The following GNG12 variants were observed in gnomAD, a reference collection of about 807,000 sequenced individuals.
The protein encoded by GNG12 is guanine nucleotide-binding protein G(I)/G(S)/G(O) subunit gamma-12.
For synonymous variants in GNG12, 28 were observed against 29.7 expected (o/e 0.94, Z 0.19); for missense variants, 69 against 83.8 (o/e 0.82, Z 0.69).
chr1:67,712,519 G>A (rs1646301313), intron 2 of GNG12, among the ~76,000 whole-genome samples: 1 of 152,132 alleles, frequency 6.6e-6, no homozygotes, highest in Non-Finnish European at 1.5e-5. Flanking sequence ...GTAAAAACTA[G>A]TCTCTACAAA....
chr1:67,797,822 C>T (rs1256636149), intron 1 of GNG12, among the ~76,000 whole-genome samples: 3 of 152,152 alleles, frequency 2.0e-5, no homozygotes, highest in Non-Finnish European at 2.9e-5. Context: ...ACCATCCCCT[C>T]GGAGCCAAGA....
intron 2 of GNG12, among the ~76,000 whole-genome samples, chr1:67,730,505 C>A (rs565022345): frequency 3.2e-4 from 48 of 151,900 alleles, no homozygotes; most frequent in Non-Finnish European, 5.3e-4. Flanking sequence ...ACGCCACCCC[C>A]CAACCGCCCC....
chr1:67,797,846 A>G (rs1297115390), intron 1 of GNG12, among the ~76,000 whole-genome samples: 1 of 152,104 alleles, frequency 6.6e-6, no homozygotes, highest in East Asian at 1.9e-4. Context: ...TCCTCAGGTG[A>G]CTGCACCGGC....
chr1:67,739,608 A>C (rs1363738546), intron 2 of GNG12, among the ~76,000 whole-genome samples: 2 of 152,208 alleles, frequency 1.3e-5, no homozygotes, highest in East Asian at 3.8e-4. Context: ...TACATCTTCA[A>C]AGGAAGAGCC....
At chr1:67,755,960 T>C (rs1457206652) in intron 2 of GNG12, among the ~76,000 whole-genome samples, 2 of 152,002 alleles carry the variant, frequency 1.3e-5, no homozygotes, top group Admixed American at 6.5e-5. Context: ...CTAGGCTTTG[T>C]ACAGTGAAGC....
chr1:67,744,669 C>T (rs965563831), intron 2 of GNG12, among the ~76,000 whole-genome samples: 25 of 152,126 alleles, frequency 1.6e-4, no homozygotes, highest in African/African-American at 6.0e-4. Flanking sequence ...TTGTGAAAGG[C>T]CATGCAGATG....
intron 2 of GNG12, among the ~76,000 whole-genome samples, chr1:67,764,412 A>G (rs1361019375): frequency 1.3e-5 from 2 of 152,160 alleles, no homozygotes; most frequent in Non-Finnish European, 2.9e-5. Context: ...CCAAGTACCC[A>G]CTTCCAAAGC....
At chr1:67,706,093 G>C (rs1017299247) in intron 3 of GNG12, among the ~76,000 whole-genome samples, 1 of 152,206 alleles carries the variant, frequency 6.6e-6, no homozygotes, top group Non-Finnish European at 1.5e-5. Flanking sequence ...GAGAGAGACA[G>C]TGCAAGCAAG....
chr1:67,725,506 T>C (rs1408793839), intron 2 of GNG12, among the ~76,000 whole-genome samples: 1 of 152,218 alleles, frequency 6.6e-6, no homozygotes. Flanking sequence ...TCACAGTATC[T>C]AAATGTTTAT....
intron 2 of GNG12, among the ~76,000 whole-genome samples, chr1:67,724,450 C>T (rs920207835): frequency 1.3e-5 from 2 of 152,170 alleles, no homozygotes; most frequent in African/African-American, 2.4e-5. Context: ...AGTGCAGTGG[C>T]GTGATCTTGG....
chr1:67,738,362 TATTG>T (rs1251981214), intron 2 of GNG12, among the ~76,000 whole-genome samples: 1 of 152,232 alleles, frequency 6.6e-6, no homozygotes. Flanking sequence ...CAGATTAATT[TATTG>T]ATTAGATATA....
At chr1:67,799,506 C>T (rs1402303915) in intron 1 of GNG12, among the ~76,000 whole-genome samples, 1 of 152,086 alleles carries the variant, frequency 6.6e-6, no homozygotes, top group African/African-American at 2.4e-5. Context: ...GAACCCAGAC[C>T]ACAGTGACGT....
intron 2 of GNG12, among the ~76,000 whole-genome samples, chr1:67,767,777 G>A (rs149606973): frequency 2.0e-5 from 3 of 152,310 alleles, no homozygotes; most frequent in Non-Finnish European, 4.4e-5. Context: ...AGAAAGTTAA[G>A]TTTAGTTGAT....
intron 2 of GNG12, among the ~76,000 whole-genome samples, chr1:67,774,069 G>GA (rs1321076652): frequency 6.6e-6 from 1 of 152,108 alleles, no homozygotes; most frequent in Admixed American, 6.5e-5. Flanking sequence ...CACTCTGTGT[G>GA]GCATTATCTT....
At chr1:67,782,035 G>A (rs1282258755) in intron 1 of GNG12, among the ~76,000 whole-genome samples, 1 of 152,110 alleles carries the variant, frequency 6.6e-6, no homozygotes, top group Non-Finnish European at 1.5e-5. Context: ...CAGCCACAGA[G>A]GCAGCTACTC....
chr1:67,790,826 G>A (rs1159882559), intron 1 of GNG12, among the ~76,000 whole-genome samples: 2 of 152,070 alleles, frequency 1.3e-5, no homozygotes, highest in African/African-American at 4.8e-5. Context: ...ATGTTTGTCA[G>A]GCTGATCTCC....
chr1:67,789,400 T>C (rs1646788345), intron 1 of GNG12, among the ~76,000 whole-genome samples: 1 of 152,202 alleles, frequency 6.6e-6, no homozygotes. Flanking sequence ...GGAACTATAT[T>C]AAAAACACTT....
intron 1 of GNG12, among the ~76,000 whole-genome samples, chr1:67,784,072 TCC>T (rs1205782846): frequency 6.6e-4 from 99 of 151,084 alleles, no homozygotes; most frequent in African/African-American, 2.2e-3. Context: ...AACCCAAATG[TCC>T]AACAATGATA....
At chr1:67,748,519 G>C (rs1425871452) in intron 2 of GNG12, among the ~76,000 whole-genome samples, 2 of 152,154 alleles carry the variant, frequency 1.3e-5, no homozygotes, top group African/African-American at 2.4e-5. Context: ...ATCGTGCTTG[G>C]GGGGATAAGA....
Sources: allele counts gnomAD v4.1 joint callset (sites outside exome capture counted in the v4.1 genomes callset), GRCh38; gene constraint gnomAD v4.1.1; transcripts MANE v1.5; gene names NCBI Gene and HGNC (gene_info 2026-07-23, HGNC 2026-07-21).